SCAPER: variants seen among roughly 807,000 people sequenced by gnomAD.
SCAPER encodes S phase cyclin A-associated protein in the endoplasmic reticulum.
Under a neutral mutation model 182.2 loss-of-function variants are expected in SCAPER, and 98 were observed. The observed-to-expected ratio is 0.54, with a 90% CI of 0.46 to 0.64. The LOEUF is 0.64. Ranked by LOEUF, SCAPER falls within the 30% of genes least tolerant of loss-of-function variation. The pLI, the probability that SCAPER is intolerant of heterozygous loss-of-function variation, is 0.00. For synonymous variants in SCAPER, 605 were observed against 564.6 expected (o/e 1.07, Z -1.01); for missense variants, 1,432 against 1,690.0 (o/e 0.85, Z 2.68).
At chr15:76,713,433 G>A (rs899218713) in intron 17 of SCAPER, among the ~76,000 whole-genome samples, 2 of 151,780 alleles carry the variant, frequency 1.3e-5, no homozygotes, top group Admixed American at 6.6e-5. Context: ...TATACACCAT[G>A]GAATACTATG....
At chr15:76,891,375 A>T (rs1195194736) in intron 1 of SCAPER, among the ~76,000 whole-genome samples, 1 of 152,224 alleles carries the variant, frequency 6.6e-6, no homozygotes, top group Admixed American at 6.5e-5. Flanking sequence ...AGAGGAAGTC[A>T]AATTGTCCCT....
chr15:76,665,867 G>A (rs2056534797), intron 20 of SCAPER, 78 bp from the exon 21 acceptor site: 1 of 1,221,084 alleles, frequency 8.2e-7, no homozygotes, highest in African/African-American at 1.5e-5. Context: ...AGACTACAGT[G>A]AGTTTAAGAC....
In SCAPER at chr15:76,764,870, GT is replaced by G. The variant is rs990199579; in HGVS notation, c.1725+90del. On this transcript the variant is annotated intron_variant, in intron 14 of 31. Transcript: ENST00000563290. ...CCTAGCAAATCTAATTATTTTTATG[GT>G]TATTTTAGCTTCTCTCAGACCAGAA... The G allele has an allele frequency of 2.7e-5, 18 of 661,916 alleles. No individual in the cohort carries two copies. In the Admixed American group the frequency reaches 3.0e-4, roughly 11 times the overall value. The allele number at this position is 661,916 out of a possible 1,614,324, so 41.0% of individuals were successfully genotyped here.
chr15:76,882,160 G>A (rs946540235), intron 2 of SCAPER, among the ~76,000 whole-genome samples: 1 of 152,096 alleles, frequency 6.6e-6, no homozygotes, highest in Non-Finnish European at 1.5e-5. Context: ...TGTGGAAGAA[G>A]GCCAAAGCAG....
chr15:76,404,205 C>T (rs1350501430), intron 27 of SCAPER, among the ~76,000 whole-genome samples: 1 of 152,016 alleles, frequency 6.6e-6, no homozygotes, highest in East Asian at 1.9e-4. Context: ...GGCTTTGTTT[C>T]CTTCGATGAC....
intron 21 of SCAPER, among the ~76,000 whole-genome samples, chr15:76,656,703 G>A (rs1484977452): frequency 6.6e-6 from 1 of 152,074 alleles, no homozygotes; most frequent in African/African-American, 2.4e-5. Flanking sequence ...TACAATCTCA[G>A]ACCACAGCAC....
intron 23 of SCAPER, among the ~76,000 whole-genome samples, chr15:76,553,028 C>CA (rs1288480420): frequency 1.7e-4 from 26 of 152,138 alleles, no homozygotes; most frequent in African/African-American, 6.3e-4. Flanking sequence ...AGTCCACTGA[C>CA]AGTCTCTCTC....
chr15:76,657,576 G>A (rs1276026619), intron 21 of SCAPER, among the ~76,000 whole-genome samples: 7 of 111,036 alleles, frequency 6.3e-5, no homozygotes, highest in Non-Finnish European at 1.1e-4. Flanking sequence ...AAATCTGGCA[G>A]AGACACAACA....
chr15:76,445,168 T>C (rs971048852), intron 25 of SCAPER, among the ~76,000 whole-genome samples: 1 of 152,228 alleles, frequency 6.6e-6, no homozygotes, highest in Non-Finnish European at 1.5e-5. Flanking sequence ...TATACCACTC[T>C]GTATGCCTTT....
intron 22 of SCAPER, among the ~76,000 whole-genome samples, chr15:76,611,023 A>G (rs2050931680): frequency 6.6e-6 from 1 of 152,180 alleles, no homozygotes; most frequent in South Asian, 2.1e-4. Flanking sequence ...AAATTATATT[A>G]TAAAACTAAT....
At chr15:76,410,225 T>C (rs1027242729) in intron 26 of SCAPER, among the ~76,000 whole-genome samples, 1 of 152,226 alleles carries the variant, frequency 6.6e-6, no homozygotes, top group Non-Finnish European at 1.5e-5. Flanking sequence ...TCTCCCACTA[T>C]TCTTGTCCAA....
intron 17 of SCAPER, among the ~76,000 whole-genome samples, chr15:76,724,395 T>C (rs1277126521): frequency 6.6e-6 from 1 of 152,130 alleles, no homozygotes; most frequent in East Asian, 1.9e-4. Context: ...AATCTGACAA[T>C]TATGTGTCTT....
intron 8 of SCAPER, among the ~76,000 whole-genome samples, chr15:76,794,392 T>C (rs1455922298): frequency 6.6e-6 from 1 of 152,250 alleles, no homozygotes; most frequent in Non-Finnish European, 1.5e-5. Context: ...TGATTGTGTA[T>C]TTTCCTACCT....
chr15:76,681,924 T>C (rs1346406020), intron 20 of SCAPER, among the ~76,000 whole-genome samples: 2 of 151,948 alleles, frequency 1.3e-5, no homozygotes, highest in East Asian at 3.9e-4. Flanking sequence ...AGCCTTAGAG[T>C]GATTGTCAGA....
intron 5 of SCAPER, among the ~76,000 whole-genome samples, chr15:76,819,782 AACC>A (rs2151638144): frequency 6.6e-6 from 1 of 152,318 alleles, no homozygotes; most frequent in South Asian, 2.1e-4. Flanking sequence ...CAGCAAAAGA[AACC>A]ACCATCAGAG....
At chr15:76,654,656 A>G (rs2055466937) in intron 21 of SCAPER, among the ~76,000 whole-genome samples, 1 of 152,334 alleles carries the variant, frequency 6.6e-6, no homozygotes, top group Middle Eastern at 3.4e-3. Flanking sequence ...TACAAAAAAG[A>G]CATTTGCAGA....
chr15:76,380,204 C>T (rs977835005), intron 28 of SCAPER: 13 of 152,082 alleles, frequency 8.5e-5, no homozygotes, highest in African/African-American at 3.1e-4. Context: ...GAGGCAAGAA[C>T]TACTGACATT....
chr15:76,524,691 T>TG (rs2043064184), intron 23 of SCAPER, among the ~76,000 whole-genome samples: 2 of 25,878 alleles, frequency 7.7e-5, no homozygotes, highest in Non-Finnish European at 9.3e-5. Flanking sequence ...TTTGTTCTGT[T>TG]TTTTTTTTTT....
At chr15:76,877,628 T>C (rs2073261963) in intron 2 of SCAPER, among the ~76,000 whole-genome samples, 1 of 152,248 alleles carries the variant, frequency 6.6e-6, no homozygotes, top group Admixed American at 6.5e-5. Flanking sequence ...ATTCGTGTGA[T>C]ATTCTGCCTA....
Sources: gnomAD v4.1 joint callset for allele counts (sites outside exome capture counted in the v4.1 genomes callset) on GRCh38, gnomAD v4.1.1 for gene constraint, MANE v1.5 for transcripts, NCBI Gene and HGNC (gene_info 2026-07-23, HGNC 2026-07-21) for gene names.